Variants in IDS observed in about 807,000 individuals in gnomAD.
The protein encoded by IDS is iduronate 2-sulfatase.
Under a neutral mutation model 33.5 loss-of-function variants are expected in IDS, and 1 was observed. The ratio of observed to expected loss-of-function variants is 0.03; its 90% confidence interval spans 0.01 to 0.14. IDS has a LOEUF of 0.14. Ranked by LOEUF, IDS falls within the 10% of genes least tolerant of loss-of-function variation. IDS has a pLI of 1.00. For synonymous variants in IDS, 191 were observed against 184.4 expected, an observed-to-expected ratio of 1.04 and a Z score of -0.29; for missense variants, 328 against 448.0, an observed-to-expected ratio of 0.73 and a Z score of 2.42.
In IDS at chrX:149,496,508, C is replaced by T. The variant is rs782087755; in HGVS notation, c.717G>A (p.Gln239=). The change falls in exon 6 of 9, where the codon CAG becomes CAA. Residue 239 remains glutamine, a synonymous_variant. Transcript: ENST00000340855. ...TGATGTTCTCCAAGGGATACAACTT[C>T]TGAAATTCCTTGGGGAAAAACACAA... is the stretch of plus-strand genomic sequence containing the variant. ...HIPFRYPKEF[Q]KLYPLENITL... The T allele has an allele frequency of 8.4e-5, 102 of 1,209,687 alleles. No homozygotes were observed. Among genetic ancestry groups the T allele is most frequent in the Non-Finnish European group, 1.1e-4 (98 of 895,039 alleles).
intron 7 of IDS, among the ~76,000 whole-genome samples, chrX:149,489,883 C>T (rs2089373775): frequency 9.1e-6 from 1 of 110,493 alleles, no homozygotes; most frequent in South Asian, 3.9e-4. Flanking sequence ...CCCAGGCTCT[C>T]GGCAGAGAAG....
In IDS at chrX:149,478,511, G is replaced by A. The variant is rs1408990659; in HGVS notation, c.*4235C>T. The A allele has an allele frequency of 8.9e-6, 1 of 112,609 alleles. No individual in the cohort carries two copies. The highest frequency in any genetic ancestry group is 1.9e-5 in the Non-Finnish European group (1 of 53,322). 9.3% of individuals were successfully genotyped at this position (112,609 alleles called of 1,213,427 possible). A position where few individuals can be genotyped will look rare whatever the true frequency, so the allele number is the denominator to read the frequency against. On this transcript the variant is annotated 3_prime_UTR_variant, in exon 9 of 9. Coordinates refer to ENST00000340855, the MANE Select transcript of IDS (RefSeq NM_000202.8). ...AAAAAACCAAGCTAACATTGTGTTA[G>A]ATCAAAAAAACAAGATATAGATTAT...
At chrX:149,498,956 G>T (rs1183021779) in intron 4 of IDS, among the ~76,000 whole-genome samples, 4 of 112,389 alleles carry the variant, frequency 3.6e-5, no homozygotes, top group African/African-American at 1.3e-4. Flanking sequence ...GTACAAAAAT[G>T]TCGAGGGCAG....
rs1045890560 is a variant in IDS, at chrX:149,487,035, A to G, written c.1070T>C (p.Val357Ala). 8 of 1,211,581 alleles carry G rather than the reference A, an allele frequency of 6.6e-6. No homozygotes were observed. The highest frequency in any genetic ancestry group is 1.7e-5 in the African/African-American group (1 of 57,846). The change falls in exon 8 of 9, where the codon GTT becomes GCT. Residue 357 changes from valine to alanine, a missense_variant. Around this residue, in one of 4 missense-constraint regions of IDS, gnomAD observed 265 missense variants for 339.2 expected, o/e 0.78. Transcript: ENST00000340855. ...KYSNFDVATH[V>A]PLIFYVPGRT... Reference sequence around the variant, plus strand: ...TCCAGGAACATAGAATATCAGGGGAACATGGGTAGCAACATCAAAATTGCT... The same window carrying G: ...TCCAGGAACATAGAATATCAGGGGAGCATGGGTAGCAACATCAAAATTGCT...
At chrX:149,501,981 T>C (rs1480711500) in intron 3 of IDS, 5 of 249,220 alleles carry the variant, frequency 2.0e-5, no homozygotes, top group Non-Finnish European at 3.9e-5. Context: ...TGAGCCTTCA[T>C]GTCTTCCTTG....
intron 3 of IDS, among the ~76,000 whole-genome samples, chrX:149,501,800 T>C (rs1190886832): frequency 3.6e-5 from 4 of 110,637 alleles, no homozygotes; most frequent in African/African-American, 1.3e-4. Flanking sequence ...GGGACTCCCA[T>C]AGGGAGTACC....
At chrX:149,504,316 G>T in intron 1 of IDS, 23 bp from the exon 2 acceptor site, 1 of 1,196,331 alleles carries the variant, frequency 8.4e-7, no homozygotes, top group Non-Finnish European at 1.1e-6. Context: ...GAGGGGCTTT[G>T]GTGAGGTAAC....
Position 149,505,063 on chromosome X carries a change from T to A in IDS, c.75A>T (p.Gly25=). Residue 25 remains glycine (G), a synonymous_variant, in exon 1 of 9, where the codon GGA becomes GGT. Transcript: ENST00000340855. ...TGGTCGAGTTGGCCTGCGTTTCGGA[T>A]CCGAGGGCGACGCAGACGGAGCTCA... ...LVLSSVCVAL[G]SETQANSTTD... 1 of 1,207,568 alleles carries A rather than the reference T, an allele frequency of 8.3e-7. No homozygotes were observed. Among genetic ancestry groups the A allele is most frequent in the Non-Finnish European group, 1.1e-6 (1 of 892,697 alleles).
intron 6 of IDS, among the ~76,000 whole-genome samples, chrX:149,493,522 C>T (rs1557338964): frequency 1.8e-5 from 2 of 111,405 alleles, no homozygotes; most frequent in Non-Finnish European, 3.8e-5. Context: ...AAAGCAGAAA[C>T]AGGCAGGGGC....
rs1350237582 is a variant in IDS, at chrX:149,481,974, T to C, written c.*772A>G. On this transcript the variant is annotated 3_prime_UTR_variant, in exon 9 of 9. Coordinates refer to ENST00000340855, the MANE Select transcript of IDS (RefSeq NM_000202.8). The stretch of plus-strand genomic sequence containing the variant: ...ACAACAGTCTTTTAATAGATGGCCA[T>C]TGAGTTCAAGGGTCATATTATTTGC... 2.7e-5 allele frequency: 3 copies of C among 112,426 alleles called. No homozygotes were observed. The highest frequency in any genetic ancestry group is 5.6e-5 in the Non-Finnish European group (3 of 53,247). 9.3% of individuals were successfully genotyped at this position (112,426 alleles called of 1,213,427 possible). A position where few individuals can be genotyped will look rare whatever the true frequency, so the allele number is the denominator to read the frequency against.
At chrX:149,488,903 C>T (rs1425517641) in intron 7 of IDS, among the ~76,000 whole-genome samples, 1 of 111,038 alleles carries the variant, frequency 9.0e-6, no homozygotes, top group Non-Finnish European at 1.9e-5. Context: ...CATAGGGAGG[C>T]CCAGGGAATG....
At chrX:149,499,567 C>T (rs1057511285) in intron 4 of IDS, among the ~76,000 whole-genome samples, 1 of 110,620 alleles carries the variant, frequency 9.0e-6, no homozygotes, top group African/African-American at 3.3e-5. Flanking sequence ...AAATGAGGAA[C>T]GACTGGTAAT....
chrX:149,493,721 G>C (rs781884737), intron 6 of IDS, among the ~76,000 whole-genome samples: 10 of 111,372 alleles, frequency 9.0e-5, no homozygotes, highest in African/African-American at 3.3e-4. Flanking sequence ...CTCAGTGACA[G>C]AGATTATTAA....
chrX:149,504,374 G>C, intron 1 of IDS, 81 bp from the exon 2 acceptor site: 1 of 1,034,211 alleles, frequency 9.7e-7, no homozygotes, highest in East Asian at 3.4e-5. Context: ...AGGTTACTAA[G>C]AGGCCCAAGG....
Position 149,480,411 on chromosome X carries a change from C to G in IDS, c.*2335G>C. On this transcript the variant is annotated 3_prime_UTR_variant, in exon 9 of 9. Coordinates refer to ENST00000340855, the MANE Select transcript of IDS (RefSeq NM_000202.8). ...CAGATAAGTCTTTGTGGGGCAAATG[C>G]AGGATAAAGAAACAGCTCATAAGAG... The G allele has an allele frequency of 3.4e-6, 1 of 297,452 alleles. No individual in the cohort carries two copies. The highest frequency in any genetic ancestry group is 5.9e-6 in the Non-Finnish European group (1 of 170,287). The allele number at this position is 297,452 out of a possible 1,213,427, so 24.5% of individuals were successfully genotyped here.
At position 149,486,980 on chromosome X, in the gene IDS, C is replaced by T; in HGVS notation, c.1125G>A (p.Glu375=). ...AAGGGTCGAGGTAAGGGAAAAGCTT[C>T]TCGCCTGCCTCCGGAAGTGAAGCCG... is the stretch of plus-strand genomic sequence containing the variant. ...GRTASLPEAG[E]KLFPYLDPFD... Residue 375 remains glutamate (E), a synonymous_variant, in exon 8 of 9, where the codon GAG becomes GAA. Transcript: ENST00000340855. 1 of 1,211,976 alleles carries T rather than the reference C, an allele frequency of 8.3e-7. No individual in the cohort carries two copies. The highest frequency in any genetic ancestry group is 2.2e-5 in the Admixed American group (1 of 46,082).
intron 6 of IDS, 95 bp from the exon 7 acceptor site, chrX:149,490,535 C>G (rs2089382191): frequency 1.1e-6 from 1 of 929,553 alleles, no homozygotes. Context: ...CTCCCAATCC[C>G]TACCCCTTAG....
intron 3 of IDS, chrX:149,501,952 G>A (rs374811168): frequency 1.8e-4 from 41 of 224,906 alleles, no homozygotes; most frequent in African/African-American, 1.1e-3. Flanking sequence ...GCAACCTCTG[G>A]CAAGCTACTT....
Position 149,505,179 on chromosome X carries a change from T to C in IDS, c.-42A>G, listed in dbSNP as rs782095612. 1 of 1,020,321 alleles carries C rather than the reference T, an allele frequency of 9.8e-7. No homozygotes were observed. The highest frequency in any genetic ancestry group is 1.4e-6 in the Non-Finnish European group (1 of 739,339). 84.1% of individuals were successfully genotyped at this position (1,020,321 alleles called of 1,213,427 possible). ...CCGCTTCAGAGCGGCGGGGACAGGC[T>C]GCAGCAGGTGGCGCAGTTAGCAGCC... On this transcript the variant is annotated 5_prime_UTR_variant, in exon 1 of 9. Coordinates refer to ENST00000340855, the MANE Select transcript of IDS (RefSeq NM_000202.8).
Sources: gnomAD v4.1 joint callset for allele counts (sites outside exome capture counted in the v4.1 genomes callset) on GRCh38, gnomAD v4.1.1 for gene constraint, gnomAD v4.1.1 regional missense constraint, MANE v1.5 for transcripts, NCBI Gene and HGNC (gene_info 2026-07-23, HGNC 2026-07-21) for gene names.